The following GPR39 variants were observed in gnomAD, a reference collection of about 807,000 sequenced individuals.
GPR39 encodes zinc sensing receptor.
A neutral mutation model predicts 18.4 loss-of-function variants in GPR39; 23 were observed. That is an observed-to-expected ratio of 1.25 (90% confidence interval 0.90 to 1.77). The LOEUF (loss-of-function observed/expected upper bound fraction) is 1.77, where lower values mean the gene tolerates loss of function less well. Among genes scored for constraint, GPR39 ranks in the 40% most tolerant of loss-of-function variants. GPR39 has a pLI of 0.00. For missense variants in GPR39, 647 were observed against 602.4 expected, an observed-to-expected ratio of 1.07 and a Z score of -0.78; for synonymous variants, 280 against 257.9, an observed-to-expected ratio of 1.09 and a Z score of -0.82.
intron 1 of GPR39, among the ~76,000 whole-genome samples, chr2:132,585,541 G>A (rs1173037951): frequency 6.6e-6 from 1 of 152,210 alleles, no homozygotes; most frequent in Non-Finnish European, 1.5e-5. Context: ...AGCTTTCTCT[G>A]CGCGCATCTG....
chr2:132,577,659 T>A (rs556722407), intron 1 of GPR39, among the ~76,000 whole-genome samples: 1 of 152,222 alleles, frequency 6.6e-6, no homozygotes, highest in Non-Finnish European at 1.5e-5. Flanking sequence ...AGTGGCATTG[T>A]CTTTTAATGT....
chr2:132,418,896 TGTGG>T (rs1679959643), intron 1 of GPR39, among the ~76,000 whole-genome samples: 1 of 152,202 alleles, frequency 6.6e-6, no homozygotes, highest in African/African-American at 2.4e-5. Flanking sequence ...CCCTCTCCCC[TGTGG>T]CATCAGGAAA....
intron 1 of GPR39, among the ~76,000 whole-genome samples, chr2:132,468,583 C>T (rs911585757): frequency 1.2e-4 from 18 of 152,148 alleles, no homozygotes; most frequent in African/African-American, 3.1e-4. Context: ...GAGTTTGGAA[C>T]GTGAGACTGA....
At chr2:132,442,983 C>T (rs899745821) in intron 1 of GPR39, among the ~76,000 whole-genome samples, 1 of 152,088 alleles carries the variant, frequency 6.6e-6, no homozygotes, top group African/African-American at 2.4e-5. Flanking sequence ...ATTTAATTTA[C>T]ATTAAAATGA....
At chr2:132,613,126 A>G (rs147230248) in intron 1 of GPR39, among the ~76,000 whole-genome samples, 381 of 152,320 alleles carry the variant, frequency 2.5e-3, no homozygotes, top group African/African-American at 8.8e-3. Flanking sequence ...ATTAATTTCA[A>G]CAGTTTTTCC....
chr2:132,501,054 G>GTTTTTTTTT (rs55720929), intron 1 of GPR39, among the ~76,000 whole-genome samples: 2 of 90,326 alleles, frequency 2.2e-5, no homozygotes, highest in African/African-American at 4.1e-5. Context: ...TATCTTTTGT[G>GTTTTTTTTT]TTTTTTTTTT....
At chr2:132,638,331 C>G (rs1681800757) in intron 1 of GPR39, among the ~76,000 whole-genome samples, 1 of 152,140 alleles carries the variant, frequency 6.6e-6, no homozygotes, top group African/African-American at 2.4e-5. Flanking sequence ...CTACAAGTGC[C>G]CACTGAGCCA....
At chr2:132,540,550 C>T (rs746096596) in intron 1 of GPR39, among the ~76,000 whole-genome samples, 2 of 152,162 alleles carry the variant, frequency 1.3e-5, no homozygotes, top group East Asian at 1.9e-4. Context: ...AGCTGGACCC[C>T]GGAGCATCAC....
At chr2:132,543,611 A>G (rs937962668) in intron 1 of GPR39, among the ~76,000 whole-genome samples, 2 of 152,112 alleles carry the variant, frequency 1.3e-5, no homozygotes, top group South Asian at 2.1e-4. Flanking sequence ...ATAGAAACCT[A>G]TTTGTTTAAG....
chr2:132,529,633 C>T (rs905222812), intron 1 of GPR39, among the ~76,000 whole-genome samples: 13 of 152,278 alleles, frequency 8.5e-5, no homozygotes, highest in African/African-American at 1.7e-4. Flanking sequence ...CTCACACGGC[C>T]GGGTACTCCT....
chr2:132,543,444 C>T (rs898972535), intron 1 of GPR39, among the ~76,000 whole-genome samples: 6 of 152,158 alleles, frequency 3.9e-5, no homozygotes, highest in African/African-American at 1.4e-4. Context: ...TGGGGCAGGT[C>T]AGAGGTTCTC....
intron 1 of GPR39, among the ~76,000 whole-genome samples, chr2:132,493,370 T>C (rs1320841564): frequency 6.9e-6 from 1 of 144,562 alleles, no homozygotes. Context: ...ATATACACTA[T>C]ATATATACAC....
intron 1 of GPR39, among the ~76,000 whole-genome samples, chr2:132,497,911 C>A (rs1681678106): frequency 1.3e-5 from 2 of 152,098 alleles, no homozygotes; most frequent in African/African-American, 4.8e-5. Flanking sequence ...TATGACTGTG[C>A]CCTATTAAAA....
intron 1 of GPR39, among the ~76,000 whole-genome samples, chr2:132,584,874 T>G (rs542163322): frequency 2.7e-4 from 41 of 152,278 alleles, no homozygotes; most frequent in African/African-American, 8.7e-4. Flanking sequence ...AAATCTTGTT[T>G]ATGGACTTTT....
At chr2:132,564,087 A>AGCAACCCAACCTGTCAGG (rs1680304908) in intron 1 of GPR39, among the ~76,000 whole-genome samples, 1 of 152,178 alleles carries the variant, frequency 6.6e-6, no homozygotes, top group African/African-American at 2.4e-5. Flanking sequence ...TCATAAGCAG[A>AGCAACCCAACCTGTCAGG]TGAGCAACCC....
At chr2:132,441,860 C>T (rs1024984510) in intron 1 of GPR39, among the ~76,000 whole-genome samples, 2 of 152,192 alleles carry the variant, frequency 1.3e-5, no homozygotes, top group East Asian at 1.9e-4. Context: ...CCGCTCTTCA[C>T]GCAGAGGGGA....
intron 1 of GPR39, among the ~76,000 whole-genome samples, chr2:132,426,520 G>A (rs1286705343): frequency 1.3e-5 from 2 of 152,234 alleles, no homozygotes; most frequent in South Asian, 2.1e-4. Flanking sequence ...CTCACCAGAA[G>A]GGAGATGCCT....
At chr2:132,505,469 C>T (rs954525950) in intron 1 of GPR39, among the ~76,000 whole-genome samples, 6 of 152,182 alleles carry the variant, frequency 3.9e-5, no homozygotes, top group African/African-American at 1.4e-4. Flanking sequence ...TCACCCTACT[C>T]TACTTTCCAC....
chr2:132,467,229 T>TC (rs1171322748), intron 1 of GPR39, among the ~76,000 whole-genome samples: 3 of 152,194 alleles, frequency 2.0e-5, no homozygotes, highest in African/African-American at 7.2e-5. Flanking sequence ...GAGCACTGGC[T>TC]CCTGTGGGGC....
Sources: gnomAD v4.1 joint callset for allele counts (sites outside exome capture counted in the v4.1 genomes callset) on GRCh38, gnomAD v4.1.1 for gene constraint, MANE v1.5 for transcripts, NCBI Gene and HGNC (gene_info 2026-07-23, HGNC 2026-07-21) for gene names.